Variants in DTX1 observed in about 807,000 individuals in gnomAD.
DTX1 encodes deltex E3 ubiquitin ligase 1.
A neutral mutation model predicts 57.8 loss-of-function variants in DTX1; 26 were observed. The ratio of observed to expected loss-of-function variants is 0.45; its 90% CI spans 0.33 to 0.62. DTX1 has a LOEUF of 0.62. Ranked by LOEUF, DTX1 falls within the 20% of genes least tolerant of loss-of-function variation. DTX1 has a pLI of 0.02. For missense variants in DTX1, 704 were observed against 895.3 expected (o/e 0.79, Z 2.73); for synonymous variants, 398 against 394.1 (o/e 1.01, Z -0.12).
chr12:113,087,853 G>C (rs1054575021), intron 3 of DTX1, among the ~76,000 whole-genome samples: 2 of 152,202 alleles, frequency 1.3e-5, no homozygotes, highest in African/African-American at 2.4e-5. Flanking sequence ...CTTTGGAGGA[G>C]GGAGGGGACT....
At chr12:113,076,471 A>C (rs1281080523) in intron 2 of DTX1, among the ~76,000 whole-genome samples, 1 of 151,676 alleles carries the variant, frequency 6.6e-6, no homozygotes, top group African/African-American at 2.4e-5. Context: ...AAAAAAAAAA[A>C]AAAAAAGTGG....
At chr12:113,060,818 G>A (rs1249081932) in intron 2 of DTX1, among the ~76,000 whole-genome samples, 2 of 152,214 alleles carry the variant, frequency 1.3e-5, no homozygotes, top group Non-Finnish European at 2.9e-5. Context: ...GAGCAGAAGT[G>A]GGTAGGTGTC....
intron 3 of DTX1, among the ~76,000 whole-genome samples, chr12:113,089,389 G>C (rs1950228886): frequency 6.6e-6 from 1 of 152,192 alleles, no homozygotes; most frequent in Admixed American, 6.5e-5. Context: ...TTGCATGGCA[G>C]TGGGGCCCAT....
chr12:113,065,356 G>GATCAGATCCAC (rs2044696939), intron 2 of DTX1, among the ~76,000 whole-genome samples: 2 of 152,212 alleles, frequency 1.3e-5, no homozygotes, highest in African/African-American at 4.8e-5. Context: ...ATCAGATCCA[G>GATCAGATCCAC]GTCTGCAGCT....
intron 2 of DTX1, among the ~76,000 whole-genome samples, chr12:113,063,459 C>T (rs1390766847): frequency 1.3e-5 from 2 of 152,360 alleles, no homozygotes; most frequent in Admixed American, 6.5e-5. Context: ...AGCTCGCTCC[C>T]TGGCCTCATA....
At chr12:113,065,048 G>C (rs1269972133) in intron 2 of DTX1, among the ~76,000 whole-genome samples, 1 of 152,186 alleles carries the variant, frequency 6.6e-6, no homozygotes, top group East Asian at 1.9e-4. Flanking sequence ...ATGGGAGATA[G>C]GGGATGGGTA....
intron 3 of DTX1, among the ~76,000 whole-genome samples, chr12:113,092,530 G>A (rs1335517732): frequency 5.9e-5 from 9 of 152,004 alleles, no homozygotes. Context: ...CTCTTCATTT[G>A]AAGAGAGGAT....
At chr12:113,092,388 A>T (rs1157174929) in intron 3 of DTX1, among the ~76,000 whole-genome samples, 1 of 151,700 alleles carries the variant, frequency 6.6e-6, no homozygotes, top group Non-Finnish European at 1.5e-5. Flanking sequence ...AAGAGATGAG[A>T]TGATGTGCTG....
chr12:113,063,645 C>T (rs1427860510), intron 2 of DTX1, among the ~76,000 whole-genome samples: 1 of 152,246 alleles, frequency 6.6e-6, no homozygotes, highest in South Asian at 2.1e-4. Context: ...CAAGCCTGGC[C>T]TTTTCTGGTG....
chr12:113,058,121 C>T lies in DTX1; in HGVS notation c.-72C>T, dbSNP rs2044641446. The T allele has an allele frequency of 6.1e-6, 9 of 1,477,256 alleles. No homozygotes were observed. The highest frequency in any genetic ancestry group is 4.1e-5 in the South Asian group (3 of 72,678). 91.5% of individuals were successfully genotyped at this position (1,477,256 alleles called of 1,614,324 possible). A position where few individuals can be genotyped will look rare whatever the true frequency, so the allele number is the denominator to read the frequency against. ...TCCCCCTGGGGAGAGAGGAAGTTGC[C>T]GCCTGCTGCCAGGCCCAGGAGGAGC... is the stretch of plus-strand genomic sequence containing the variant. On this transcript the variant is annotated 5_prime_UTR_variant, in exon 2 of 10. Transcript: ENST00000548759.
At chr12:113,068,565 G>T (rs141189025) in intron 2 of DTX1, among the ~76,000 whole-genome samples, 2 of 152,188 alleles carry the variant, frequency 1.3e-5, no homozygotes, top group Non-Finnish European at 2.9e-5. Context: ...CGCACACACG[G>T]TATGTTCAAA....
Position 113,094,073 on chromosome 12 carries a change from C to G in DTX1, c.1201C>G (p.Gln401Glu), listed in dbSNP as rs1441725954. 1 of 1,542,910 alleles carries G rather than the reference C, an allele frequency of 6.5e-7. No individual in the cohort carries two copies. Among genetic ancestry groups the G allele is most frequent in the Non-Finnish European group, 8.8e-7 (1 of 1,139,986 alleles). Reference sequence around the variant, plus strand: ...CGAGGATGTGGTTCGAAGATACATGCAGAAGGTGAAAAACCCACCTGATGA... The same window carrying G: ...CGAGGATGTGGTTCGAAGATACATGGAGAAGGTGAAAAACCCACCTGATGA... ...NPEDVVRRYM[Q>E]KVKNPPDEDC... Residue 401 changes from glutamine (Q) to glutamate (E), a missense_variant, in exon 6 of 10, where the codon CAG (glutamine) becomes GAG (glutamate). By Grantham distance (29) the Gln-to-Glu change is conservative (BLOSUM62 2). Around this residue, in one of 3 missense-constraint regions of DTX1, gnomAD observed 299 missense variants for 311.2 expected, o/e 0.96. Coordinates refer to ENST00000548759, the MANE Select transcript of DTX1 (RefSeq NM_004416.3).
In DTX1 at chr12:113,077,108, T is replaced by C. The variant is rs75811764; in HGVS notation, c.260-316T>C. 0.094 allele frequency among the ~76,000 whole-genome samples: 14,315 copies of C among 151,898 alleles called. 857 individuals carry two copies. Among genetic ancestry groups the C allele is most frequent in the African/African-American group, 0.16 (6,791 of 41,368 alleles). On this transcript the variant is annotated intron_variant, in intron 2 of 9. Coordinates refer to ENST00000548759, the MANE Select transcript of DTX1 (RefSeq NM_004416.3). This position sits in a 1 kb window ranked among gnomAD's most constrained non-coding sequence, Gnocchi z 7.8. The stretch of plus-strand genomic sequence containing the variant: ...CCCTGTTTGGTGGCTCTCCCGCCCC[T>C]ACGCCCAATCTACTGACCACGCGCC...
chr12:113,087,953 G>A (rs1425168537), intron 3 of DTX1, among the ~76,000 whole-genome samples: 1 of 152,164 alleles, frequency 6.6e-6, no homozygotes, highest in Non-Finnish European at 1.5e-5. Context: ...GCAGGCCAAT[G>A]GATCCAGTTA....
At position 113,077,765 on chromosome 12, in the gene DTX1, T is replaced by A; in HGVS notation, c.601T>A (p.Ser201Thr). 1 of 1,526,458 alleles carries A rather than the reference T, an allele frequency of 6.6e-7. No individual in the cohort carries two copies. 94.6% of individuals were successfully genotyped at this position (1,526,458 alleles called of 1,614,324 possible). Residue 201 changes from serine (S) to threonine (T), a missense_variant, in exon 3 of 10, where the codon TCC becomes ACC. Ser to Thr is a moderately conservative substitution (Grantham distance 58, BLOSUM62 1). Transcript: ENST00000548759. This position sits in a 1 kb window ranked among gnomAD's most constrained non-coding sequence, Gnocchi z 7.8. The part of the protein sequence containing the change: ...PVGASSGQPC[S>T]CQQCLLVNST... ...GGGCGCCAGCTCGGGCCAGCCCTGCTCCTGCCAGCAGTGCCTGCTGGTCAA... is the reference window on the plus strand; with the variant it reads ...GGGCGCCAGCTCGGGCCAGCCCTGCACCTGCCAGCAGTGCCTGCTGGTCAA...
chr12:113,089,885 C>G (rs1950233813), intron 3 of DTX1: 1 of 152,262 alleles, frequency 6.6e-6, no homozygotes, highest in Non-Finnish European at 1.5e-5. Context: ...CTCTGTCTAA[C>G]TCCTAGACCA....
At chr12:113,092,952 TGGAACCTGGGC>T (rs1001559631) in intron 3 of DTX1, among the ~76,000 whole-genome samples, 199 bp from the exon 4 acceptor site, 1 of 152,158 alleles carries the variant, frequency 6.6e-6, no homozygotes, top group African/African-American at 2.4e-5. Context: ...TGCATCCCAT[TGGAACCTGGGC>T]GGAGGTCCTG....
intron 2 of DTX1, among the ~76,000 whole-genome samples, chr12:113,064,736 G>C (rs1431317424): frequency 6.6e-6 from 1 of 152,214 alleles, no homozygotes; most frequent in Non-Finnish European, 1.5e-5. Context: ...ATACATAAAT[G>C]AGATATGTAG....
At chr12:113,062,020 T>C (rs1221735724) in intron 2 of DTX1, among the ~76,000 whole-genome samples, 1 of 144,314 alleles carries the variant, frequency 6.9e-6, no homozygotes, top group Non-Finnish European at 1.5e-5. Context: ...ATCTTGAAAA[T>C]ATTATATTTC....
Sources: allele counts gnomAD v4.1 joint callset (sites outside exome capture counted in the v4.1 genomes callset), GRCh38; gene constraint gnomAD v4.1.1; regional missense constraint gnomAD v4.1.1; non-coding constraint Gnocchi (gnomAD v3.1); transcripts MANE v1.5; gene names NCBI Gene and HGNC (gene_info 2026-07-23, HGNC 2026-07-21).